OPCML: variants seen among roughly 807,000 people sequenced by gnomAD.
The protein encoded by OPCML is opioid-binding protein/cell adhesion molecule.
OPCML carries 13 observed loss-of-function variants against 37.8 expected under a neutral mutation model. That is an observed-to-expected ratio of 0.34 (90% CI 0.22 to 0.55). The LOEUF (loss-of-function observed/expected upper bound fraction) is 0.55. Ranked by LOEUF, OPCML falls within the 20% of genes least tolerant of loss-of-function variation. The pLI is 0.91. For missense variants in OPCML, 341 were observed against 435.6 expected (o/e 0.78, Z 1.93); for synonymous variants, 176 against 168.8 (o/e 1.04, Z -0.33).
chr11:132,839,164 TA>T (rs1326654125), intron 2 of OPCML, among the ~76,000 whole-genome samples: 1 of 152,134 alleles, frequency 6.6e-6, no homozygotes, highest in Non-Finnish European at 1.5e-5. Flanking sequence ...ATCACCTTCA[TA>T]GCCTTAGAAA....
intron 2 of OPCML, among the ~76,000 whole-genome samples, chr11:132,925,365 T>C (rs563927457): frequency 7.6e-4 from 116 of 152,296 alleles, no homozygotes; most frequent in African/African-American, 2.7e-3. Context: ...GTGGGATAGG[T>C]TCTGGTTTAA....
rs72047458 is a variant in OPCML at position 133,027,490 on chromosome 11, TTGTG to T, written c.62-84484_62-84481del. On this transcript the variant is annotated intron_variant, in intron 1 of 7. Transcript: ENST00000524381. ...TATGTAGTGTGTGTGTGTGTGTGTG[TTGTG>T]TGTGTGTGTGTGTAGTGCGGTGTGT... Among the ~76,000 whole-genome samples the T allele has an allele frequency of 8.0e-3, 890 of 110,962 alleles. 8 individuals are homozygous for T. Among genetic ancestry groups the T allele is most frequent in the African/African-American group, 0.027 (828 of 30,622 alleles). The allele number at this position is 110,962 out of a possible 152,430, so 72.8% of individuals were successfully genotyped here. A position where few individuals can be genotyped will look rare whatever the true frequency, so the allele number is the denominator to read the frequency against.
At chr11:132,532,855 C>T (rs559145062) in intron 3 of OPCML, among the ~76,000 whole-genome samples, 16 of 152,236 alleles carry the variant, frequency 1.1e-4, no homozygotes, top group Middle Eastern at 3.4e-3. Flanking sequence ...ATACTTTTAA[C>T]GTAAATTTAA....
intron 4 of OPCML, among the ~76,000 whole-genome samples, chr11:132,449,371 T>C (rs1405237270): frequency 6.6e-6 from 1 of 152,192 alleles, no homozygotes; most frequent in Non-Finnish European, 1.5e-5. Context: ...ATGGGTAGAC[T>C]GGAATAATGT....
intron 2 of OPCML, among the ~76,000 whole-genome samples, chr11:132,747,058 A>G (rs1486065837): frequency 6.6e-6 from 1 of 152,228 alleles, no homozygotes; most frequent in Non-Finnish European, 1.5e-5. Context: ...CATGTAGGGT[A>G]ATAATAGTAA....
chr11:133,235,821 A>G (rs906611445), intron 1 of OPCML, among the ~76,000 whole-genome samples: 2 of 152,196 alleles, frequency 1.3e-5, no homozygotes, highest in Admixed American at 1.3e-4. Flanking sequence ...TCAGATCTGG[A>G]TTCAGTTACC....
chr11:132,903,858 C>T (rs1342707546), intron 2 of OPCML, among the ~76,000 whole-genome samples: 5 of 152,162 alleles, frequency 3.3e-5, no homozygotes, highest in African/African-American at 1.2e-4. Flanking sequence ...TTTGCATGTG[C>T]ACGTGTGTGT....
intron 1 of OPCML, among the ~76,000 whole-genome samples, chr11:133,443,008 A>G (rs1946395809): frequency 6.6e-6 from 1 of 152,326 alleles, no homozygotes; most frequent in South Asian, 2.1e-4. Context: ...ATATTCATGT[A>G]ATATTTGTGA....
At chr11:133,373,400 T>G (rs1592243488) in intron 1 of OPCML, among the ~76,000 whole-genome samples, 1 of 139,764 alleles carries the variant, frequency 7.2e-6, no homozygotes, top group East Asian at 2.1e-4. Flanking sequence ...CTGTCTCTAC[T>G]AAAAAAGTTA....
At chr11:133,063,236 C>G (rs1012823537) in intron 1 of OPCML, among the ~76,000 whole-genome samples, 1 of 152,198 alleles carries the variant, frequency 6.6e-6, no homozygotes, top group Admixed American at 6.5e-5. Context: ...TGTCATACAA[C>G]GGCGGAGAGA....
chr11:132,475,179 T>G (rs1345181962), intron 4 of OPCML, among the ~76,000 whole-genome samples: 1 of 152,186 alleles, frequency 6.6e-6, no homozygotes, highest in Non-Finnish European at 1.5e-5. Context: ...AAGCCCCCAC[T>G]AAGACCTATG....
chr11:133,065,866 C>T (rs1948434125), intron 1 of OPCML: 3 of 152,866 alleles, frequency 2.0e-5, no homozygotes, highest in African/African-American at 7.2e-5. Context: ...GAAGCTCCCT[C>T]CTCTCCCGGC....
At chr11:133,176,860 A>T (rs1420019213) in intron 1 of OPCML, among the ~76,000 whole-genome samples, 1 of 152,236 alleles carries the variant, frequency 6.6e-6, no homozygotes, top group Non-Finnish European at 1.5e-5. Context: ...TGGTCTAAAA[A>T]TAAATCGCCT....
At chr11:133,095,079 G>A (rs577009055) in intron 1 of OPCML, among the ~76,000 whole-genome samples, 18 of 151,926 alleles carry the variant, frequency 1.2e-4, no homozygotes, top group Non-Finnish European at 2.1e-4. Context: ...AGCTCCACAC[G>A]ATATGGTTGT....
intron 3 of OPCML, among the ~76,000 whole-genome samples, chr11:132,639,194 C>A (rs1355668927): frequency 6.6e-6 from 1 of 152,222 alleles, no homozygotes; most frequent in African/African-American, 2.4e-5. Flanking sequence ...GAGGAAAGAG[C>A]AGGCGGGTGG....
At chr11:133,441,555 G>A (rs1416297302) in intron 1 of OPCML, among the ~76,000 whole-genome samples, 1 of 152,038 alleles carries the variant, frequency 6.6e-6, no homozygotes, top group East Asian at 1.9e-4. Flanking sequence ...ATTTCAAAAG[G>A]ATTAGAGAGC....
chr11:132,548,027 A>G (rs1329131675), intron 3 of OPCML, among the ~76,000 whole-genome samples: 2 of 152,172 alleles, frequency 1.3e-5, no homozygotes, highest in African/African-American at 4.8e-5. Context: ...ACACTGTACT[A>G]TGGAGAGTGC....
chr11:133,125,936 T>C (rs1309978459), intron 1 of OPCML, among the ~76,000 whole-genome samples: 2 of 149,560 alleles, frequency 1.3e-5, no homozygotes, highest in Middle Eastern at 3.7e-3. Flanking sequence ...TATACACATG[T>C]ATATATAGAC....
chr11:133,006,270 G>T, intron 1 of OPCML: 1 of 512,408 alleles, frequency 2.0e-6, no homozygotes, highest in Non-Finnish European at 2.5e-6. Flanking sequence ...TGTTCTAGCA[G>T]GGACTCTGGC....
Sources: allele counts gnomAD v4.1 joint callset (sites outside exome capture counted in the v4.1 genomes callset), GRCh38; gene constraint gnomAD v4.1.1; transcripts MANE v1.5; gene names NCBI Gene and HGNC (gene_info 2026-07-23, HGNC 2026-07-21).